The following TUBA1C variants were observed in gnomAD, a reference collection of about 807,000 sequenced individuals.
TUBA1C encodes tubulin alpha 1c.
TUBA1C carries 16 observed loss-of-function variants against 34.9 expected under a neutral mutation model. That is an observed-to-expected ratio of 0.46 (90% confidence interval 0.31 to 0.70). The LOEUF is 0.70. Ranked by LOEUF, TUBA1C falls within the 30% of genes least tolerant of loss-of-function variation. TUBA1C has a pLI of 0.05. For missense variants in TUBA1C, 329 were observed against 587.3 expected (o/e 0.56, Z 4.55); for synonymous variants, 177 against 215.9 (o/e 0.82, Z 1.58).
intron 1 of TUBA1C, among the ~76,000 whole-genome samples, chr12:49,235,542 C>A (rs1471014233): frequency 1.3e-5 from 2 of 152,016 alleles, no homozygotes; most frequent in Non-Finnish European, 2.9e-5. Flanking sequence ...TGAGACCAGT[C>A]TGGCCAACAT....
intron 1 of TUBA1C, among the ~76,000 whole-genome samples, chr12:49,239,920 A>G (rs59965487): frequency 0.036 from 5,540 of 152,150 alleles, 154 homozygotes; most frequent in African/African-American, 0.08. Flanking sequence ...GAGGTAGAGC[A>G]GTGGGATATT....
chr12:49,266,811 T>C (rs1269193866), intron 1 of TUBA1C, among the ~76,000 whole-genome samples: 1 of 152,216 alleles, frequency 6.6e-6, no homozygotes, highest in Non-Finnish European at 1.5e-5. Context: ...ATCGCACCAC[T>C]GCACTCCAGC....
chr12:49,267,913 A>G (rs192630272), intron 1 of TUBA1C, among the ~76,000 whole-genome samples: 3 of 152,232 alleles, frequency 2.0e-5, no homozygotes, highest in African/African-American at 7.2e-5. Flanking sequence ...AATCTGACTT[A>G]TGATGAAATG....
At position 49,273,551 on chromosome 12, in the gene TUBA1C, C is replaced by T; in HGVS notation, c.*324C>T. 5.1e-6 allele frequency: 2 copies of T among 392,234 alleles called. No individual in the cohort carries two copies. The highest frequency in any genetic ancestry group is 8.2e-4 in the Middle Eastern group (1 of 1,218). 24.3% of individuals were successfully genotyped at this position (392,234 alleles called of 1,614,324 possible). A position where few individuals can be genotyped will look rare whatever the true frequency, so the allele number is the denominator to read the frequency against. On this transcript the variant is annotated 3_prime_UTR_variant, in exon 4 of 4. Coordinates refer to ENST00000301072, the MANE Select transcript of TUBA1C (RefSeq NM_032704.5). ...GACTGCAGGTGCACACCACCATGCC[C>T]AGCTATTTTTATTTCTTGTAGAGAT...
rs765756427 is a variant in TUBA1C, at chr12:49,272,844, G to A, written c.967G>A (p.Val323Met). ...TTGCTGCCTGTTATACCGTGGTGAC[G>A]TGGTTCCCAAAGATGTCAATGCTGC... ...MACCLLYRGDVVPKDVNAAIA... is the reference protein window; with the variant it reads ...MACCLLYRGDMVPKDVNAAIA... Residue 323 changes from valine to methionine, a missense_variant, in exon 4 of 4, where the codon GTG becomes ATG. Physicochemically the swap from Val to Met is conservative, Grantham distance 21. Transcript: ENST00000301072. The A allele has an allele frequency of 6.2e-6, 10 of 1,614,028 alleles. No individual in the cohort carries two copies. The highest frequency in any genetic ancestry group is 5.5e-5 in the South Asian group (5 of 91,084).
chr12:49,239,632 C>T (rs1456234601), intron 1 of TUBA1C, among the ~76,000 whole-genome samples: 6 of 149,722 alleles, frequency 4.0e-5, no homozygotes, highest in South Asian at 2.1e-4. Context: ...CAGAGTAAGA[C>T]TCTGTCTCAA....
upstream of TUBA1C, among the ~76,000 whole-genome samples, chr12:49,261,294 G>C (rs1942838217): frequency 1.3e-5 from 2 of 152,084 alleles, no homozygotes; most frequent in African/African-American, 2.4e-5. Context: ...TGTCCTTTGG[G>C]GTTGTTAAAA....
intron 1 of TUBA1C, among the ~76,000 whole-genome samples, chr12:49,258,585 G>A (rs1368965587): frequency 6.6e-6 from 1 of 151,532 alleles, no homozygotes; most frequent in Non-Finnish European, 1.5e-5. Flanking sequence ...GCATCACAAC[G>A]CCTGGCTAAT....
At chr12:49,230,355 G>C (rs551901908) in intron 1 of TUBA1C, among the ~76,000 whole-genome samples, 1 of 152,186 alleles carries the variant, frequency 6.6e-6, no homozygotes, top group Non-Finnish European at 1.5e-5. Context: ...GGAGAAGAAG[G>C]AAAGGTGAGA....
At chr12:49,267,923 G>GCCAAACAC (rs1438707256) in intron 1 of TUBA1C, among the ~76,000 whole-genome samples, 12 of 152,200 alleles carry the variant, frequency 7.9e-5, no homozygotes, top group African/African-American at 2.7e-4. Context: ...ATGATGAAAT[G>GCCAAACAC]CCAAACACCC....
chr12:49,253,278 G>A (rs1305110267), intron 1 of TUBA1C, among the ~76,000 whole-genome samples: 1 of 151,994 alleles, frequency 6.6e-6, no homozygotes, highest in African/African-American at 2.4e-5. Flanking sequence ...CAGGTTATTC[G>A]GTTTTGCTAA....
upstream of TUBA1C, among the ~76,000 whole-genome samples, chr12:49,262,150 C>T (rs187123758): frequency 6.6e-6 from 1 of 151,710 alleles, no homozygotes; most frequent in African/African-American, 2.4e-5. Context: ...CGTGGTGGCT[C>T]ACACCTGTGA....
intron 1 of TUBA1C, among the ~76,000 whole-genome samples, chr12:49,267,070 C>T (rs1200198340): frequency 1.6e-4 from 24 of 152,144 alleles, no homozygotes. Context: ...ATCCAGTTAA[C>T]ACTAGACCAA....
chr12:49,237,111 C>T (rs907362922), intron 1 of TUBA1C, among the ~76,000 whole-genome samples: 1 of 152,002 alleles, frequency 6.6e-6, no homozygotes, highest in Non-Finnish European at 1.5e-5. Context: ...ACTAACAAAA[C>T]GAGATGAGAA....
At chr12:49,242,381 T>C (rs1942626430) in intron 1 of TUBA1C, among the ~76,000 whole-genome samples, 1 of 152,176 alleles carries the variant, frequency 6.6e-6, no homozygotes, top group African/African-American at 2.4e-5. Flanking sequence ...GTAGAAAATA[T>C]TACTTAACTA....
In TUBA1C at chr12:49,274,285, A is replaced by ATTTTTTTTTTTTTT. The variant is rs869028916; in HGVS notation, c.*1074_*1087dup. The ATTTTTTTTTTTTTT allele has an allele frequency of 2.9e-5, 2 of 69,692 alleles. No individual in the cohort carries two copies. The highest frequency in any genetic ancestry group is 1.4e-4 in the African/African-American group (2 of 14,324). The allele number at this position is 69,692 out of a possible 1,614,324, so 4.3% of individuals were successfully genotyped here. A position where few individuals can be genotyped will look rare whatever the true frequency, so the allele number is the denominator to read the frequency against. ...CCACCATGCCTGGCTGATTCTTGTA[A>ATTTTTTTTTTTTTT]TTTTTTTTTTTTTTTTTTTTTTTTT... On this transcript the variant is annotated 3_prime_UTR_variant, in exon 4 of 4. Transcript: ENST00000301072.
At position 49,257,929 on chromosome 12, in the gene TUBA1C, G is replaced by C. The variant is rs1269507748; in HGVS notation, c.214-11536G>C. The C allele has an allele frequency of 6.9e-5, 12 of 175,008 alleles. No individual in the cohort carries two copies. In the South Asian group the frequency reaches 9.3e-4, roughly 14 times the overall value. 10.8% of individuals were successfully genotyped at this position (175,008 alleles called of 1,614,324 possible). On this transcript the variant is annotated intron_variant, in intron 1 of 3. Transcript: ENST00000541364. ...GCTGGAGTGCAGTGGTACAATCTTGGCTCACTGCAGCCTCCGCCTTCCGGG... is the reference window on the plus strand; with the variant it reads ...GCTGGAGTGCAGTGGTACAATCTTGCCTCACTGCAGCCTCCGCCTTCCGGG...
rs1456989996 is a variant in TUBA1C, at chr12:49,272,509, A to C, written c.632A>C (p.Asp211Ala). ...ATGGTAGACAATGAGGCCATCTATG[A>C]CATCTGTCGTAGAAACCTCGATATC... ...AFMVDNEAIY[D>A]ICRRNLDIER... is the part of the protein sequence containing the mutation. The change falls in exon 4 of 4, where the codon GAC becomes GCC. Residue 211 changes from aspartate (D) to alanine (A), a missense_variant. Around this residue, in one of 4 missense-constraint regions of TUBA1C, gnomAD observed 140 missense variants for 289.8 expected, o/e 0.48. Coordinates refer to ENST00000301072, the MANE Select transcript of TUBA1C (RefSeq NM_032704.5). 6.2e-7 allele frequency: 1 copy of C among 1,609,540 alleles called. No individual in the cohort carries two copies.
At chr12:49,246,418 G>A (rs942993348) in intron 1 of TUBA1C, among the ~76,000 whole-genome samples, 3 of 150,954 alleles carry the variant, frequency 2.0e-5, no homozygotes, top group African/African-American at 7.3e-5. Flanking sequence ...GGTGGCTCAC[G>A]CCTGTAATCC....
Sources: gnomAD v4.1 joint callset for allele counts (sites outside exome capture counted in the v4.1 genomes callset) on GRCh38, gnomAD v4.1.1 for gene constraint, gnomAD v4.1.1 regional missense constraint, MANE v1.5 for transcripts, NCBI Gene and HGNC (gene_info 2026-07-23, HGNC 2026-07-21) for gene names.